The following RAB5B variants were observed in gnomAD, a reference collection of about 807,000 sequenced individuals.
RAB5B encodes RAB5B, member RAS oncogene family.
A neutral mutation model predicts 28.6 loss-of-function variants in RAB5B; 11 were observed. That is an observed-to-expected ratio of 0.38 (90% CI 0.24 to 0.64). The LOEUF is 0.64. RAB5B is among the 30% of genes least tolerant of loss of function. RAB5B has a pLI of 0.53. For missense variants in RAB5B, 169 were observed against 265.6 expected (o/e 0.64, Z 2.53); for synonymous variants, 93 against 97.9 (o/e 0.95, Z 0.29).
In RAB5B at chr12:55,976,029, C is replaced by T. The variant is rs550703492; in HGVS notation, c.-93+1890C>T. ...CCTCCCAAAGTGCTGGGATTACAGG[C>T]GTGAGCCACCACACCCGGCCATCAC... On this transcript the variant is annotated intron_variant, in intron 1 of 5. Transcript: ENST00000360299. 2.8e-3 allele frequency among the ~76,000 whole-genome samples: 424 copies of T among 152,162 alleles called. 1 individual carries two copies. The highest frequency in any genetic ancestry group is 7.4e-3 in the African/African-American group (309 of 41,516).
intron 5 of RAB5B, 78 bp from the exon 6 acceptor site, chr12:55,992,019 C>A: frequency 9.9e-7 from 1 of 1,014,694 alleles, no homozygotes; most frequent in Non-Finnish European, 1.5e-6. Flanking sequence ...AATTCAGTAG[C>A]CGTTTTTGGC....
At chr12:55,982,555 A>G (rs1243426103) in intron 1 of RAB5B, among the ~76,000 whole-genome samples, 2 of 152,094 alleles carry the variant, frequency 1.3e-5, no homozygotes, top group East Asian at 3.9e-4. Context: ...TGGCCTCCCA[A>G]AATGCTGGTA....
chr12:55,983,514 T>TGACC (rs2136478979), intron 1 of RAB5B, among the ~76,000 whole-genome samples: 1 of 152,330 alleles, frequency 6.6e-6, no homozygotes, highest in South Asian at 2.1e-4. Flanking sequence ...TAAGACTGAC[T>TGACC]GACCAAGGGG....
intron 1 of RAB5B, among the ~76,000 whole-genome samples, chr12:55,983,614 T>G (rs1402954311): frequency 5.3e-5 from 8 of 151,902 alleles, no homozygotes; most frequent in Admixed American, 5.2e-4. Context: ...TCACCTCTCA[T>G]TCTTTTGCTA....
At chr12:55,990,642 C>T (rs1220222636) in intron 3 of RAB5B, 40 bp from the exon 4 acceptor site, 1 of 1,609,182 alleles carries the variant, frequency 6.2e-7, no homozygotes, top group Non-Finnish European at 8.5e-7. Context: ...TATGGATTGG[C>T]AGTCATTCCA....
chr12:55,977,579 G>A (rs1475700748), intron 1 of RAB5B, among the ~76,000 whole-genome samples: 1 of 152,182 alleles, frequency 6.6e-6, no homozygotes, highest in East Asian at 1.9e-4. Flanking sequence ...GAGGCATAGG[G>A]TAGAAGAAGC....
In RAB5B at chr12:55,992,359, A is replaced by G. The variant is rs1335126167; in HGVS notation, c.*147A>G. On this transcript the variant is annotated 3_prime_UTR_variant, in exon 6 of 6. Coordinates refer to ENST00000360299, the MANE Select transcript of RAB5B (RefSeq NM_002868.4). ...TGCCTCCTGACAGCTCCGTCATGGC[A>G]CTTTTTAACGCTTCAGCAACAAACA... is the stretch of plus-strand genomic sequence containing the variant. 5.5e-6 allele frequency: 4 copies of G among 725,984 alleles called. No individual in the cohort carries two copies. In the East Asian group the frequency reaches 8.1e-5, roughly 15 times the overall value. The allele number at this position is 725,984 out of a possible 1,614,324, so 45.0% of individuals were successfully genotyped here. A position where few individuals can be genotyped will look rare whatever the true frequency, so the allele number is the denominator to read the frequency against.
In RAB5B at chr12:55,986,933, C is replaced by T. The variant is rs199632895; in HGVS notation, c.-28C>T. On this transcript the variant is annotated 5_prime_UTR_variant, in exon 2 of 6. Transcript: ENST00000360299. ...CCCCTTTACAGTATCCCCCTCCCTC[C>T]ACCCTTTCCCATTCTGATAATCTGG... The T allele has an allele frequency of 3.8e-5, 58 of 1,541,726 alleles. No homozygotes were observed. Among genetic ancestry groups the T allele is most frequent in the Non-Finnish European group, 4.7e-5 (53 of 1,122,096 alleles).
rs1565792223 is a variant in RAB5B at position 55,994,685 on chromosome 12, T to TA, written c.*2480dup. 6.6e-6 allele frequency: 1 copy of TA among 152,528 alleles called. No individual in the cohort carries two copies. The highest frequency in any genetic ancestry group is 2.4e-5 in the African/African-American group (1 of 41,506). 9.4% of individuals were successfully genotyped at this position (152,528 alleles called of 1,614,324 possible). On this transcript the variant is annotated 3_prime_UTR_variant, in exon 6 of 6. Transcript: ENST00000360299. Reference sequence around the variant, plus strand: ...GATTTACCGATGTATTTAATGTAAGTAAAAAAAGGAAAAAAAGAAAAGGGC... The same window carrying TA: ...GATTTACCGATGTATTTAATGTAAGTAAAAAAAAGGAAAAAAAGAAAAGGGC...
intron 1 of RAB5B, among the ~76,000 whole-genome samples, chr12:55,983,977 T>C (rs1889881800): frequency 1.3e-5 from 2 of 152,060 alleles, no homozygotes; most frequent in Admixed American, 1.3e-4. Flanking sequence ...TCTCTTTTTC[T>C]TTCTCTGTAC....
At chr12:55,991,291 A>T in intron 4 of RAB5B, 69 bp from the exon 5 acceptor site, 1 of 1,211,230 alleles carries the variant, frequency 8.3e-7, no homozygotes, top group Non-Finnish European at 1.2e-6. Context: ...GTTGTGCTGC[A>T]TGGGAGTGGA....
At chr12:55,974,802 G>A (rs1889600773) in intron 1 of RAB5B, among the ~76,000 whole-genome samples, 1 of 152,150 alleles carries the variant, frequency 6.6e-6, no homozygotes, top group Non-Finnish European at 1.5e-5. Flanking sequence ...TTCTGGGAAT[G>A]CTGAAGGGTG....
chr12:55,976,789 A>T (rs1414975986), intron 1 of RAB5B, among the ~76,000 whole-genome samples: 1 of 152,104 alleles, frequency 6.6e-6, no homozygotes, highest in Non-Finnish European at 1.5e-5. Flanking sequence ...TTTTCCTCTA[A>T]ATCTCAGAGT....
intron 2 of RAB5B, among the ~76,000 whole-genome samples, chr12:55,989,304 C>T (rs537287649): frequency 3.8e-4 from 57 of 149,406 alleles, no homozygotes; most frequent in Admixed American, 6.7e-4. Flanking sequence ...GACGGAGTTC[C>T]GCTCTTGTTG....
intron 2 of RAB5B, among the ~76,000 whole-genome samples, chr12:55,988,822 T>C (rs1183871131): frequency 6.6e-6 from 1 of 151,522 alleles, no homozygotes; most frequent in African/African-American, 2.4e-5. Flanking sequence ...TTTTTATTAG[T>C]CATCTTGGAA....
intron 1 of RAB5B, among the ~76,000 whole-genome samples, chr12:55,984,769 C>T (rs1383100023): frequency 6.6e-5 from 10 of 152,214 alleles, no homozygotes; most frequent in African/African-American, 1.7e-4. Flanking sequence ...AGCTACTGCA[C>T]CCAGGCTGTG....
rs1001692685 is a variant in RAB5B at position 55,980,431 on chromosome 12, G to A, written c.-93+6292G>A. On this transcript the variant is annotated intron_variant, in intron 1 of 5. Coordinates refer to ENST00000360299, the MANE Select transcript of RAB5B (RefSeq NM_002868.4). ...AGGCAAGAAAGGGTCCTCAGCTCAG[G>A]GAGCACTTGTTGGTGTTCTTTATGT... 21 of 1,583,792 alleles carry A rather than the reference G, an allele frequency of 1.3e-5. No homozygotes were observed. The African/African-American group carries it at 2.6e-4, about 19-fold the overall frequency.
chr12:55,996,003 A>ATATATATATATATATTTTTTTTTTTTT lies in RAB5B; in HGVS notation c.*3792_*3793insATATATATATATATTTTTTTTTTTTTT. On this transcript the variant is annotated 3_prime_UTR_variant, in exon 6 of 6. Coordinates refer to ENST00000360299, the MANE Select transcript of RAB5B (RefSeq NM_002868.4). ...TATATACATATATATATATATATAT[A>ATATATATATATATATTTTTTTTTTTTT]TTTTTTTTTTAACAACTGGTAGGAT... 1.0e-5 allele frequency: 1 copy of ATATATATATATATATTTTTTTTTTTTT among 97,406 alleles called. No individual in the cohort carries two copies. The highest frequency in any genetic ancestry group is 4.7e-5 in the African/African-American group (1 of 21,148). 6.0% of individuals were successfully genotyped at this position (97,406 alleles called of 1,614,324 possible).
In RAB5B at chr12:55,995,741, G is replaced by A. The variant is rs182310393; in HGVS notation, c.*3529G>A. The A allele has an allele frequency of 3.9e-5, 6 of 152,090 alleles. No homozygotes were observed. The highest frequency in any genetic ancestry group is 2.0e-4 in the Admixed American group (3 of 15,268). 9.4% of individuals were successfully genotyped at this position (152,090 alleles called of 1,614,324 possible). ...TTGATCAAGTTAGTTAGTGCCTTCCGCCTCGTTTCTTCATCTGTAAAGTAA... is the reference window on the plus strand; with the variant it reads ...TTGATCAAGTTAGTTAGTGCCTTCCACCTCGTTTCTTCATCTGTAAAGTAA... On this transcript the variant is annotated 3_prime_UTR_variant, in exon 6 of 6. Coordinates refer to ENST00000360299, the MANE Select transcript of RAB5B (RefSeq NM_002868.4).
Sources: gnomAD v4.1 joint callset for allele counts (sites outside exome capture counted in the v4.1 genomes callset) on GRCh38, gnomAD v4.1.1 for gene constraint, MANE v1.5 for transcripts, NCBI Gene and HGNC (gene_info 2026-07-23, HGNC 2026-07-21) for gene names.